The following TRHDE variants were observed in gnomAD, a reference collection of about 807,000 sequenced individuals.
TRHDE encodes the protein thyrotropin-releasing hormone-degrading ectoenzyme.
TRHDE carries 72 observed loss-of-function variants against 125.7 expected under a neutral mutation model. The observed-to-expected ratio is 0.57, with a 90% CI of 0.47 to 0.70. The LOEUF is 0.70. TRHDE is among the 30% of genes least tolerant of loss of function. The pLI is 0.00. For missense variants in TRHDE, 1,110 were observed against 1,327.1 expected (o/e 0.84, Z 2.54); for synonymous variants, 509 against 509.1 (o/e 1.00, Z 0.00).
At chr12:72,583,959 G>A (rs1855930216) in intron 12 of TRHDE, among the ~76,000 whole-genome samples, 1 of 72,780 alleles carries the variant, frequency 1.4e-5, no homozygotes, top group South Asian at 3.4e-4. Flanking sequence ...TTGAGACGGA[G>A]TCTCGCTGTC....
intron 5 of TRHDE, among the ~76,000 whole-genome samples, chr12:72,475,387 T>C (rs985336047): frequency 6.6e-6 from 1 of 152,178 alleles, no homozygotes; most frequent in African/African-American, 2.4e-5. Context: ...CTCATTCAGA[T>C]ACCTGTGATA....
intron 10 of TRHDE, among the ~76,000 whole-genome samples, chr12:72,573,347 AAC>A (rs1352648041): frequency 2.6e-5 from 4 of 152,118 alleles, no homozygotes; most frequent in East Asian, 3.9e-4. Context: ...TGTTTGAATA[AAC>A]ACACTAAATT....
intron 9 of TRHDE, among the ~76,000 whole-genome samples, chr12:72,566,638 A>G (rs1870461564): frequency 6.6e-6 from 1 of 151,838 alleles, no homozygotes; most frequent in Middle Eastern, 3.4e-3. Context: ...ATTAGGGGCA[A>G]TGATTCACAA....
intron 3 of TRHDE, among the ~76,000 whole-genome samples, chr12:72,389,283 A>T (rs1872542616): frequency 6.6e-6 from 1 of 152,132 alleles, no homozygotes; most frequent in Admixed American, 6.5e-5. Context: ...CTTGTGGAGT[A>T]ATACCAAGGA....
At chr12:72,245,595 T>A (rs1565671713) in intron 2 of TRHDE, among the ~76,000 whole-genome samples, 1 of 152,150 alleles carries the variant, frequency 6.6e-6, no homozygotes, top group South Asian at 2.1e-4. Context: ...AGGATATTGT[T>A]TTATTTACAA....
At chr12:72,311,853 C>T (rs1868557637) in intron 2 of TRHDE, among the ~76,000 whole-genome samples, 1 of 152,094 alleles carries the variant, frequency 6.6e-6, no homozygotes, top group South Asian at 2.1e-4. Context: ...TAGCTGTCTG[C>T]TATAATAGCT....
At chr12:72,490,145 G>A (rs574119724) in intron 5 of TRHDE, among the ~76,000 whole-genome samples, 1 of 151,422 alleles carries the variant, frequency 6.6e-6, no homozygotes, top group South Asian at 2.1e-4. Context: ...CTTAATAGTA[G>A]AAAAAATAAT....
intron 9 of TRHDE, among the ~76,000 whole-genome samples, chr12:72,565,460 G>A (rs1003696052): frequency 4.6e-5 from 7 of 152,106 alleles, no homozygotes; most frequent in Non-Finnish European, 8.8e-5. Flanking sequence ...GATGTGTAAC[G>A]GAGTATAAAA....
chr12:72,298,811 C>G lies in TRHDE; in HGVS notation c.1188+11857C>G, dbSNP rs546669630. 3.9e-5 allele frequency among the ~76,000 whole-genome samples: 6 copies of G among 152,280 alleles called. No homozygotes were observed. In the East Asian group the frequency reaches 1.2e-3, roughly 29 times the overall value. On this transcript the variant is annotated intron_variant, in intron 2 of 18. Transcript: ENST00000261180. ...CTCTTTGTCAAAAGACTCTCAATTT[C>G]TTTTCTCCATTATTTACCTGACCAG...
intron 3 of TRHDE, among the ~76,000 whole-genome samples, chr12:72,441,922 T>A (rs1334060680): frequency 7.2e-5 from 11 of 151,924 alleles, no homozygotes; most frequent in African/African-American, 2.4e-4. Context: ...TGAGTAAACT[T>A]GGGAACACCA....
intron 2 of TRHDE, among the ~76,000 whole-genome samples, chr12:72,162,405 A>C (rs570186605): frequency 6.6e-6 from 1 of 152,322 alleles, no homozygotes; most frequent in South Asian, 2.1e-4. Context: ...TTCCTGTCAC[A>C]GTGGTGGCAG....
intron 7 of TRHDE, among the ~76,000 whole-genome samples, chr12:72,558,466 A>G (rs1308332585): frequency 6.6e-6 from 1 of 152,230 alleles, no homozygotes; most frequent in Non-Finnish European, 1.5e-5. Flanking sequence ...CAACAAGTTA[A>G]CAAATGGGAT....
intron 15 of TRHDE, among the ~76,000 whole-genome samples, chr12:72,634,073 A>C (rs1268415453): frequency 6.6e-6 from 1 of 152,116 alleles, no homozygotes; most frequent in Non-Finnish European, 1.5e-5. Context: ...CTTTATATAC[A>C]CTAGGCCCTG....
chr12:72,150,622 C>A (rs1419223286), intron 2 of TRHDE, among the ~76,000 whole-genome samples: 1 of 144,322 alleles, frequency 6.9e-6, no homozygotes, highest in Non-Finnish European at 1.5e-5. Context: ...TTGTTCAATT[C>A]CCACCTATGA....
chr12:72,350,187 T>C (rs187708211), intron 2 of TRHDE, among the ~76,000 whole-genome samples: 1 of 152,150 alleles, frequency 6.6e-6, no homozygotes, highest in East Asian at 1.9e-4. Flanking sequence ...TAAAATGTAT[T>C]ATTAATTGCT....
intron 2 of TRHDE, among the ~76,000 whole-genome samples, chr12:72,247,373 A>G (rs1878594604): frequency 6.6e-6 from 1 of 152,152 alleles, no homozygotes; most frequent in South Asian, 2.1e-4. Context: ...TTTTGGGGAA[A>G]GTTTTGACCT....
At chr12:72,238,701 T>C (rs927657826) in intron 2 of TRHDE, among the ~76,000 whole-genome samples, 12 of 152,092 alleles carry the variant, frequency 7.9e-5, no homozygotes, top group Admixed American at 7.9e-4. Context: ...GCTTCATCCA[T>C]GTCCCTGCAA....
At chr12:72,372,870 T>C (rs903789176) in intron 2 of TRHDE, among the ~76,000 whole-genome samples, 17 of 152,168 alleles carry the variant, frequency 1.1e-4, no homozygotes, top group East Asian at 3.9e-4. Flanking sequence ...CTTGGCGATG[T>C]GGGCTCTTTT....
intron 4 of TRHDE, among the ~76,000 whole-genome samples, chr12:72,471,445 G>A (rs1395194533): frequency 6.6e-6 from 1 of 152,186 alleles, no homozygotes; most frequent in Non-Finnish European, 1.5e-5. Flanking sequence ...CACCGATAAT[G>A]TGTAATTGTT....
Sources: gnomAD v4.1 joint callset for allele counts (sites outside exome capture counted in the v4.1 genomes callset) on GRCh38, gnomAD v4.1.1 for gene constraint, MANE v1.5 for transcripts, NCBI Gene and HGNC (gene_info 2026-07-23, HGNC 2026-07-21) for gene names.